Variants in CNTNAP2 observed in about 807,000 individuals in gnomAD.
CNTNAP2 encodes the protein contactin associated protein 2.
CNTNAP2 carries 98 observed loss-of-function variants against 155.2 expected under a neutral mutation model. That is an observed-to-expected ratio of 0.63 (90% confidence interval 0.54 to 0.75). CNTNAP2 has a LOEUF of 0.75. CNTNAP2 is among the 30% of genes least tolerant of loss of function. The pLI, the probability that CNTNAP2 is intolerant of heterozygous loss-of-function variation, is 0.00. For missense variants in CNTNAP2, 1,727 were observed against 1,688.1 expected (o/e 1.02, Z -0.40); for synonymous variants, 651 against 631.2 (o/e 1.03, Z -0.47).
intron 3 of CNTNAP2, among the ~76,000 whole-genome samples, chr7:146,927,150 G>A (rs1796625105): frequency 1.3e-5 from 2 of 152,092 alleles, no homozygotes; most frequent in Non-Finnish European, 2.9e-5. Context: ...TTCTAAATCT[G>A]TTTACTGGGA....
chr7:146,645,752 G>C (rs1448776564), intron 1 of CNTNAP2, among the ~76,000 whole-genome samples: 1 of 151,760 alleles, frequency 6.6e-6, no homozygotes, highest in African/African-American at 2.4e-5. Context: ...GTGGAGTCAG[G>C]TCTCAACTAA....
intron 1 of CNTNAP2, among the ~76,000 whole-genome samples, chr7:146,262,132 A>G (rs1431272224): frequency 6.6e-6 from 1 of 152,148 alleles, no homozygotes; most frequent in African/African-American, 2.4e-5. Flanking sequence ...CCTTTAGCAC[A>G]TGACCTTAGC....
At chr7:147,900,369 G>C (rs144684133) in intron 13 of CNTNAP2, among the ~76,000 whole-genome samples, 3 of 152,204 alleles carry the variant, frequency 2.0e-5, no homozygotes, top group African/African-American at 7.2e-5. Context: ...CACAAGATCT[G>C]GTTGTTTGAT....
intron 3 of CNTNAP2, among the ~76,000 whole-genome samples, chr7:146,923,811 G>A (rs1796553341): frequency 6.6e-6 from 1 of 151,982 alleles, no homozygotes; most frequent in African/African-American, 2.4e-5. Flanking sequence ...TTAGTATATT[G>A]GCTTTCAAAG....
At chr7:147,366,779 A>T (rs1796236459) in intron 9 of CNTNAP2, among the ~76,000 whole-genome samples, 3 of 49,168 alleles carry the variant, frequency 6.1e-5, no homozygotes, top group Admixed American at 5.5e-4. Flanking sequence ...AATTTGTTGC[A>T]CGCACACACA....
intron 12 of CNTNAP2, among the ~76,000 whole-genome samples, chr7:147,582,681 T>C (rs1401520813): frequency 6.6e-6 from 1 of 152,098 alleles, no homozygotes; most frequent in Non-Finnish European, 1.5e-5. Context: ...ATAGTGAATA[T>C]ATTTATTTTA....
intron 8 of CNTNAP2, among the ~76,000 whole-genome samples, chr7:147,256,519 G>T (rs1345210011): frequency 2.6e-5 from 4 of 152,166 alleles, no homozygotes; most frequent in Non-Finnish European, 5.9e-5. Flanking sequence ...AGCCCCTTGA[G>T]TCCAGAAAGC....
At chr7:146,389,703 CTTT>C (rs750823074) in intron 1 of CNTNAP2, among the ~76,000 whole-genome samples, 2 of 128,998 alleles carry the variant, frequency 1.6e-5, no homozygotes, top group African/African-American at 2.9e-5. Flanking sequence ...TTTCTTTTTT[CTTT>C]TTTTTTTTTT....
intron 1 of CNTNAP2, among the ~76,000 whole-genome samples, chr7:146,694,960 T>C (rs983382113): frequency 4.6e-5 from 7 of 152,192 alleles, no homozygotes; most frequent in African/African-American, 1.7e-4. Flanking sequence ...ATTACTATAA[T>C]TAGTTAATTG....
chr7:148,298,824 A>G (rs912511408), intron 21 of CNTNAP2, among the ~76,000 whole-genome samples: 2 of 151,628 alleles, frequency 1.3e-5, no homozygotes, highest in Non-Finnish European at 1.5e-5. Context: ...TCAGCCTCCC[A>G]AGTAACTGGG....
chr7:146,202,600 CA>C (rs1798882905), intron 1 of CNTNAP2, among the ~76,000 whole-genome samples: 1 of 151,594 alleles, frequency 6.6e-6, no homozygotes, highest in Admixed American at 6.6e-5. Context: ...TTTAAATAGC[CA>C]AAATATTTAA....
At chr7:147,562,637 T>C (rs1195343694) in intron 12 of CNTNAP2, among the ~76,000 whole-genome samples, 1 of 152,230 alleles carries the variant, frequency 6.6e-6, no homozygotes, top group Non-Finnish European at 1.5e-5. Context: ...TTTTAGATCG[T>C]GACAGACCTT....
At chr7:146,694,785 C>G (rs919521323) in intron 1 of CNTNAP2, among the ~76,000 whole-genome samples, 1 of 151,974 alleles carries the variant, frequency 6.6e-6, no homozygotes, top group Non-Finnish European at 1.5e-5. Flanking sequence ...CATTTTGCAA[C>G]TTTTCTCATG....
At chr7:146,527,202 G>T (rs1797703641) in intron 1 of CNTNAP2, among the ~76,000 whole-genome samples, 2 of 151,936 alleles carry the variant, frequency 1.3e-5, no homozygotes, top group South Asian at 4.2e-4. Flanking sequence ...TCCACAATTG[G>T]AATCACATAA....
At chr7:147,202,613 C>A (rs919654074) in intron 8 of CNTNAP2, among the ~76,000 whole-genome samples, 1 of 151,880 alleles carries the variant, frequency 6.6e-6, no homozygotes, top group African/African-American at 2.4e-5. Flanking sequence ...TGGAATACAG[C>A]CATAAAAAAA....
At chr7:147,593,024 A>G (rs79167801) in intron 12 of CNTNAP2, among the ~76,000 whole-genome samples, 3,020 of 152,276 alleles carry the variant, frequency 0.02, 97 homozygotes, top group African/African-American at 0.069. Flanking sequence ...ATTTCCATTA[A>G]AATTACATCA....
intron 13 of CNTNAP2, among the ~76,000 whole-genome samples, chr7:147,810,463 A>G (rs1233183911): frequency 3.3e-5 from 5 of 152,140 alleles, no homozygotes; most frequent in Admixed American, 3.3e-4. Context: ...TTATTAATAG[A>G]TAATATGTCA....
chr7:146,984,637 C>T (rs939271566), intron 3 of CNTNAP2, among the ~76,000 whole-genome samples: 10 of 152,216 alleles, frequency 6.6e-5, no homozygotes, highest in African/African-American at 2.4e-4. Context: ...CCTACATCTC[C>T]ACGGCAAGGA....
intron 13 of CNTNAP2, among the ~76,000 whole-genome samples, chr7:147,798,401 T>C (rs375197630): frequency 6.6e-6 from 1 of 152,134 alleles, no homozygotes; most frequent in African/African-American, 2.4e-5. Context: ...AGTAGGGTAA[T>C]TTCTCATCTC....
Sources: allele counts gnomAD v4.1 joint callset (sites outside exome capture counted in the v4.1 genomes callset), GRCh38; gene constraint gnomAD v4.1.1; transcripts MANE v1.5; gene names NCBI Gene and HGNC (gene_info 2026-07-23, HGNC 2026-07-21).